BCKDHB: variants seen among roughly 807,000 people sequenced by gnomAD.
BCKDHB encodes the protein branched chain keto acid dehydrogenase E1 subunit beta.
Under a neutral mutation model 48.5 loss-of-function variants are expected in BCKDHB, and 41 were observed. The ratio of observed to expected loss-of-function variants is 0.85; its 90% CI spans 0.66 to 1.10. The LOEUF is 1.10. Among genes scored for constraint, BCKDHB ranks in the 50% least tolerant of loss-of-function variants. The pLI is 0.00. For synonymous variants in BCKDHB, 201 were observed against 174.8 expected (o/e 1.15, Z -1.18); for missense variants, 496 against 494.2 (o/e 1.00, Z -0.03).
intron 9 of BCKDHB, among the ~76,000 whole-genome samples, chr6:80,315,385 C>G (rs1366976310): frequency 6.6e-6 from 1 of 152,054 alleles, no homozygotes; most frequent in Non-Finnish European, 1.5e-5. Flanking sequence ...GGTGGGGGTT[C>G]CCTTGACTAC....
chr6:80,157,694 G>C (rs904513406), intron 3 of BCKDHB, among the ~76,000 whole-genome samples: 1 of 150,982 alleles, frequency 6.6e-6, no homozygotes, highest in Admixed American at 6.6e-5. Flanking sequence ...GGTCAGGCTG[G>C]TCTTGAACTC....
chr6:80,304,862 C>A (rs1767774533), intron 9 of BCKDHB, among the ~76,000 whole-genome samples: 1 of 152,156 alleles, frequency 6.6e-6, no homozygotes, highest in African/African-American at 2.4e-5. Flanking sequence ...ACATTAAGTA[C>A]CAGCTTATCA....
intron 9 of BCKDHB, among the ~76,000 whole-genome samples, chr6:80,334,546 T>A (rs2128012125): frequency 6.6e-6 from 1 of 152,136 alleles, no homozygotes; most frequent in Non-Finnish European, 1.5e-5. Context: ...TGACTGGAAT[T>A]AAACTGCTGA....
intron 8 of BCKDHB, among the ~76,000 whole-genome samples, chr6:80,242,464 T>G (rs921352329): frequency 3.4e-4 from 52 of 152,096 alleles, no homozygotes; most frequent in African/African-American, 1.3e-3. Flanking sequence ...TTATTTTTGG[T>G]GGGGTGGGAG....
chr6:80,276,296 T>C (rs1234654075), intron 9 of BCKDHB, among the ~76,000 whole-genome samples: 1 of 151,994 alleles, frequency 6.6e-6, no homozygotes, highest in Non-Finnish European at 1.5e-5. Flanking sequence ...AGTTATTGTT[T>C]TTAAATACAT....
chr6:80,243,559 G>T lies in BCKDHB; in HGVS notation c.952-29576G>T, dbSNP rs536250679. Among the ~76,000 whole-genome samples the T allele has an allele frequency of 7.2e-5, 11 of 152,190 alleles. No homozygotes were observed. In the South Asian group the frequency reaches 2.1e-3, roughly 29 times the overall value. On this transcript the variant is annotated intron_variant, in intron 8 of 9. Coordinates refer to ENST00000320393, the MANE Select transcript of BCKDHB (RefSeq NM_183050.4). Reference sequence around the variant, plus strand: ...CTCTCTCTATATTTTTTGAGTGAGGGTATCACTCTGTCATCCAGACTGGAG... The same window carrying T: ...CTCTCTCTATATTTTTTGAGTGAGGTTATCACTCTGTCATCCAGACTGGAG...
rs978057125 is a variant in BCKDHB, at chr6:80,196,172, G to T, written c.743-4762G>T. Among the ~76,000 whole-genome samples the T allele has an allele frequency of 7.9e-5, 12 of 152,050 alleles. 1 individual carries two copies. Among genetic ancestry groups the T allele is most frequent in the Non-Finnish European group, 1.5e-4 (10 of 67,982 alleles). On this transcript the variant is annotated intron_variant, in intron 6 of 9. Transcript: ENST00000320393. ...AAGTTATTAATATATTGAATCAGAA[G>T]GATTGGAAAGTGCTATCTAGGGACT...
intron 3 of BCKDHB, among the ~76,000 whole-genome samples, chr6:80,163,506 C>T (rs940160952): frequency 6.6e-6 from 1 of 152,112 alleles, no homozygotes; most frequent in Non-Finnish European, 1.5e-5. Context: ...GGCTTGTTTT[C>T]CTTCTCAACT....
chr6:80,169,862 T>C lies in BCKDHB; in HGVS notation c.633+832T>C, dbSNP rs577284880. The C allele has an allele frequency of 7.5e-6, 12 of 1,607,244 alleles. No individual in the cohort carries two copies. In the Admixed American group the frequency reaches 1.3e-4, roughly 18 times the overall value. On this transcript the variant is annotated intron_variant, in intron 5 of 9. Coordinates refer to ENST00000320393, the MANE Select transcript of BCKDHB (RefSeq NM_183050.4). ...GAGTAGATGTTGCCTGATTTTTGAA[T>C]GTGAGCTAGAAGTTGTAGACTGGGA...
At chr6:80,281,027 CGTGTGTGT>C (rs70981415) in intron 9 of BCKDHB, among the ~76,000 whole-genome samples, 1 of 147,416 alleles carries the variant, frequency 6.8e-6, no homozygotes, top group African/African-American at 2.5e-5. Context: ...CAGGTGTATG[CGTGTGTGT>C]GTGTGTGTGT....
Position 80,106,892 on chromosome 6 carries a change from G to C in BCKDHB, c.196+3G>C, listed in dbSNP as rs200218215. 1 of 1,602,044 alleles carries C rather than the reference G, an allele frequency of 6.2e-7. No homozygotes were observed. Among genetic ancestry groups the C allele is most frequent in the East Asian group, 2.3e-5 (1 of 44,388 alleles). ...AGATCCGGAGCCCCGGGAGTACGGT[G>C]AGCCCTGGGACTGCCCACTCGGTCC... On this transcript the variant is annotated splice_donor_region_variant and intron_variant, in intron 1 of 9. Coordinates refer to ENST00000320393, the MANE Select transcript of BCKDHB (RefSeq NM_183050.4).
chr6:80,163,291 T>C (rs2127768391), intron 3 of BCKDHB, among the ~76,000 whole-genome samples: 1 of 147,776 alleles, frequency 6.8e-6, no homozygotes, highest in South Asian at 2.2e-4. Flanking sequence ...CTATTCTCAC[T>C]TGAAGTCACT....
At chr6:80,142,439 A>G (rs997026061) in intron 3 of BCKDHB, among the ~76,000 whole-genome samples, 4 of 152,112 alleles carry the variant, frequency 2.6e-5, no homozygotes, top group Non-Finnish European at 4.4e-5. Flanking sequence ...GGTAGAGTAG[A>G]ACATAGAACT....
At chr6:80,312,042 G>T (rs984743881) in intron 9 of BCKDHB, among the ~76,000 whole-genome samples, 1 of 152,078 alleles carries the variant, frequency 6.6e-6, no homozygotes, top group African/African-American at 2.4e-5. Context: ...AATGATATCA[G>T]TTCTTATTAA....
intron 9 of BCKDHB, among the ~76,000 whole-genome samples, chr6:80,309,424 T>TCTC (rs1768043983): frequency 6.6e-6 from 1 of 152,204 alleles, no homozygotes; most frequent in Non-Finnish European, 1.5e-5. Flanking sequence ...GTGCATTCTG[T>TCTC]GTACTTTTTC....
the BCKDHB span, among the ~76,000 whole-genome samples, chr6:80,442,065 A>T: frequency 2.6e-5 from 4 of 152,166 alleles, no homozygotes; most frequent in Non-Finnish European, 5.9e-5. Flanking sequence ...ATTAAAACTT[A>T]TTTACTCAAA....
the BCKDHB span, among the ~76,000 whole-genome samples, chr6:80,422,768 G>A: frequency 6.6e-6 from 1 of 152,128 alleles, no homozygotes; most frequent in Non-Finnish European, 1.5e-5. Flanking sequence ...TCTCCAATTT[G>A]GAATGGGAAC....
At chr6:80,380,056 G>A in the BCKDHB span, among the ~76,000 whole-genome samples, 1 of 151,956 alleles carries the variant, frequency 6.6e-6, no homozygotes, top group Non-Finnish European at 1.5e-5. Flanking sequence ...AATTACCAAT[G>A]TGTTTTTTCA....
intron 6 of BCKDHB, among the ~76,000 whole-genome samples, chr6:80,194,795 A>G (rs958383357): frequency 2.0e-5 from 3 of 152,136 alleles, no homozygotes; most frequent in Non-Finnish European, 4.4e-5. Context: ...GCAGCTAATT[A>G]TATTTATTTT....
Sources: gnomAD v4.1 joint callset for allele counts (sites outside exome capture counted in the v4.1 genomes callset) on GRCh38, gnomAD v4.1.1 for gene constraint, MANE v1.5 for transcripts, NCBI Gene and HGNC (gene_info 2026-07-23, HGNC 2026-07-21) for gene names.